KLHL34: variants seen among roughly 807,000 people sequenced by gnomAD.
KLHL34 encodes the protein kelch like family member 34, also known as kelch-like protein 34.
In KLHL34, 24 loss-of-function variants were observed where a neutral mutation model predicts 23.8. The ratio of observed to expected loss-of-function variants is 1.01; its 90% CI spans 0.73 to 1.42. The LOEUF is 1.42. KLHL34 is among the 40% of genes most tolerant of loss of function. The pLI is 0.00. For missense variants in KLHL34, 652 were observed against 595.1 expected (o/e 1.10, Z -0.99); for synonymous variants, 303 against 287.9 (o/e 1.05, Z -0.53).
In KLHL34 at chrX:21,654,978, A is replaced by T. The variant is rs1487370700; in HGVS notation, c.*876T>A. 9.0e-6 allele frequency: 1 copy of T among 110,757 alleles called. No homozygotes were observed. Among genetic ancestry groups the T allele is most frequent in the Non-Finnish European group, 1.9e-5 (1 of 52,755 alleles). The allele number at this position is 110,757 out of a possible 1,213,427, so 9.1% of individuals were successfully genotyped here. On this transcript the variant is annotated 3_prime_UTR_variant, in exon 1 of 1. Transcript: ENST00000379499. The stretch of plus-strand genomic sequence containing the variant: ...AAGTGGGGGTAACCACCAAAAATTG[A>T]TTTTTTTTTACAAATATAATCTACA...
rs771940940 is a variant in KLHL34 at position 21,656,410 on chromosome X, G to A, written c.1379C>T (p.Pro460Leu). 5.0e-6 allele frequency: 6 copies of A among 1,194,112 alleles called. No homozygotes were observed. The highest frequency in any genetic ancestry group is 1.8e-5 in the South Asian group (1 of 54,805). ...CCCCGCGTGACCGTGCAGAGCCCGC[G>A]GTAGTGCCCCAGCCGCCGTCCAGCG... ...RDRWTAAGALPRALHGHAGAV... is the reference protein window; with the variant it reads ...RDRWTAAGALLRALHGHAGAV... Residue 460 changes from proline (P) to leucine (L), a missense_variant, in exon 1 of 1, where the codon CCG (proline) becomes CTG (leucine). Transcript: ENST00000379499.
Position 21,657,929 on chromosome X carries a change from A to C in KLHL34, c.-141T>G. The C allele has an allele frequency of 1.0e-6, 1 of 955,247 alleles. No homozygotes were observed. The allele number at this position is 955,247 out of a possible 1,213,427, so 78.7% of individuals were successfully genotyped here. The stretch of plus-strand genomic sequence containing the variant: ...GGGCCCATTTCTGCCTGCTCAGTTT[A>C]AAGCCCAGGGCTCCTTCATCCAGAC... On this transcript the variant is annotated 5_prime_UTR_variant, in exon 1 of 1. The change creates a premature stop within an existing upstream ORF in the 5' untranslated region. Transcript: ENST00000379499.
At position 21,656,539 on chromosome X, in the gene KLHL34, T is replaced by C; in HGVS notation, c.1250A>G (p.His417Arg). The change falls in exon 1 of 1, where the codon CAC becomes CGC. Residue 417 changes from histidine (H) to arginine (R), a missense_variant. Transcript: ENST00000379499. ...CTCGCCCACCGCGCCGCACCAGAAG[T>C]GGGCCCGCGCTTCCCGCATGGCGGG... ...EVPAMREARA[H>R]FWCGAVGERL... 1 of 1,197,652 alleles carries C rather than the reference T, an allele frequency of 8.3e-7. No homozygotes were observed. Among genetic ancestry groups the C allele is most frequent in the Non-Finnish European group, 1.1e-6 (1 of 889,158 alleles).
chrX:21,657,818 G>A lies in KLHL34; in HGVS notation c.-30C>T, dbSNP rs948992363. 1.7e-6 allele frequency: 2 copies of A among 1,159,456 alleles called. No individual in the cohort carries two copies. Among genetic ancestry groups the A allele is most frequent in the East Asian group, 6.0e-5 (2 of 33,274 alleles). On this transcript the variant is annotated 5_prime_UTR_variant, in exon 1 of 1. Coordinates refer to ENST00000379499, the MANE Select transcript of KLHL34 (RefSeq NM_153270.3). ...CCCAGGGCTGGAAGCAGCCTGGTGG[G>A]ACCAGAGGCCTGCTGGGCAGGGCCG...
At position 21,656,184 on chromosome X, in the gene KLHL34, G is replaced by A. The variant is rs189111785; in HGVS notation, c.1605C>T (p.Tyr535=). The A allele has an allele frequency of 3.4e-6, 4 of 1,173,834 alleles. No individual in the cohort carries two copies. The East Asian group carries it at 1.2e-4, about 36-fold the overall frequency. ...AGCGCTCGATCTCAGAGAAGGGCTCGTATCGCCCCAGAAAAGCAAACACAG... is the reference window on the plus strand; with the variant it reads ...AGCGCTCGATCTCAGAGAAGGGCTCATATCGCCCCAGAAAAGCAAACACAG... The part of the protein sequence containing the change: ...RGAVFAFLGR[Y]EPFSEIERYD... Residue 535 remains tyrosine, a synonymous_variant, in exon 1 of 1, where the codon TAC becomes TAT. Transcript: ENST00000379499.
In KLHL34 at chrX:21,656,665, C is replaced by A. The variant is rs772566093; in HGVS notation, c.1124G>T (p.Ser375Ile). The change falls in exon 1 of 1, where the codon AGC (serine) becomes ATC (isoleucine). Residue 375 changes from serine to isoleucine, a missense_variant. Ser to Ile is a moderately radical substitution (Grantham distance 142). Transcript: ENST00000379499. Reference protein sequence around the residue: ...GNFLFVLGGESPSGSASSPLA... With the variant: ...GNFLFVLGGEIPSGSASSPLA... ...GGGAGAGGATGCACTGCCGGAAGGGCTCTCCCCACCCAGGACAAACAGGAA... is the reference window on the plus strand; with the variant it reads ...GGGAGAGGATGCACTGCCGGAAGGGATCTCCCCACCCAGGACAAACAGGAA... The A allele has an allele frequency of 1.7e-6, 2 of 1,210,972 alleles. No homozygotes were observed. Among genetic ancestry groups the A allele is most frequent in the Non-Finnish European group, 2.2e-6 (2 of 895,339 alleles).
Position 21,655,764 on chromosome X carries a change from C to A in KLHL34, c.*90G>T, listed in dbSNP as rs2092730929. The A allele has an allele frequency of 7.4e-6, 8 of 1,079,018 alleles. No individual in the cohort carries two copies. The East Asian group carries it at 2.7e-4, about 37-fold the overall frequency. 88.9% of individuals were successfully genotyped at this position (1,079,018 alleles called of 1,213,427 possible). A position where few individuals can be genotyped will look rare whatever the true frequency, so the allele number is the denominator to read the frequency against. ...CAGAAGCCACTCTGCTCCCAGAATC[C>A]CTTTCTTAGAAAAAGCCCATCCGTT... On this transcript the variant is annotated 3_prime_UTR_variant, in exon 1 of 1. Coordinates refer to ENST00000379499, the MANE Select transcript of KLHL34 (RefSeq NM_153270.3).
chrX:21,655,747 A>G lies in KLHL34; in HGVS notation c.*107T>C. 9.4e-7 allele frequency: 1 copy of G among 1,067,025 alleles called. No individual in the cohort carries two copies. The highest frequency in any genetic ancestry group is 1.2e-6 in the Non-Finnish European group (1 of 823,830). 87.9% of individuals were successfully genotyped at this position (1,067,025 alleles called of 1,213,427 possible). A position where few individuals can be genotyped will look rare whatever the true frequency, so the allele number is the denominator to read the frequency against. On this transcript the variant is annotated 3_prime_UTR_variant, in exon 1 of 1. Transcript: ENST00000379499. Reference sequence around the variant, plus strand: ...GTTTGCCTGTTAACCTTCAGAAGCCACTCTGCTCCCAGAATCCCTTTCTTA... The same window carrying G: ...GTTTGCCTGTTAACCTTCAGAAGCCGCTCTGCTCCCAGAATCCCTTTCTTA...
At position 21,657,824 on chromosome X, in the gene KLHL34, A is replaced by G; in HGVS notation, c.-36T>C. Reference sequence around the variant, plus strand: ...GCTGGAAGCAGCCTGGTGGGACCAGAGGCCTGCTGGGCAGGGCCGGAGGCA... The same window carrying G: ...GCTGGAAGCAGCCTGGTGGGACCAGGGGCCTGCTGGGCAGGGCCGGAGGCA... On this transcript the variant is annotated 5_prime_UTR_variant, in exon 1 of 1. Coordinates refer to ENST00000379499, the MANE Select transcript of KLHL34 (RefSeq NM_153270.3). 5 of 1,157,461 alleles carry G rather than the reference A, an allele frequency of 4.3e-6. No homozygotes were observed. Among genetic ancestry groups the G allele is most frequent in the Non-Finnish European group, 5.8e-6 (5 of 867,535 alleles).
In KLHL34 at chrX:21,656,869, C is replaced by T; in HGVS notation, c.920G>A (p.Gly307Asp). The change falls in exon 1 of 1, where the codon GGC becomes GAC. Residue 307 changes from glycine to aspartate, a missense_variant. Coordinates refer to ENST00000379499, the MANE Select transcript of KLHL34 (RefSeq NM_153270.3). ...EVAAPQRAARGQVAAPEPEEE... is the reference protein window; with the variant it reads ...EVAAPQRAARDQVAAPEPEEE... ...CTCGGGCTCTGGGGCGGCGACCTGG[C>T]CCCTAGCTGCCCTCTGCGGGGCCGC... 8.5e-7 allele frequency: 1 copy of T among 1,177,724 alleles called. No homozygotes were observed. Among genetic ancestry groups the T allele is most frequent in the Non-Finnish European group, 1.1e-6 (1 of 878,784 alleles).
At position 21,657,699 on chromosome X, in the gene KLHL34, G is replaced by C; in HGVS notation, c.90C>G (p.Asp30Glu). The C allele has an allele frequency of 1.7e-6, 2 of 1,205,700 alleles. No homozygotes were observed. The highest frequency in any genetic ancestry group is 1.8e-5 in the South Asian group (1 of 56,626). The change falls in exon 1 of 1, where the codon GAC (aspartate) becomes GAG (glutamate). Residue 30 changes from aspartate to glutamate, a missense_variant. Transcript: ENST00000379499. ...CGCTGCCCTCGGTCTCCAGTGTCACGTCGCACAGGAAGCCCTCGGCGCGCA... is the reference window on the plus strand; with the variant it reads ...CGCTGCCCTCGGTCTCCAGTGTCACCTCGCACAGGAAGCCCTCGGCGCGCA... ...QALRAEGFLCDVTLETEGSEF... is the reference protein window; with the variant it reads ...QALRAEGFLCEVTLETEGSEF...
Position 21,657,415 on chromosome X carries a change from T to A in KLHL34, c.374A>T (p.Gln125Leu), listed in dbSNP as rs1449575277. 2 of 1,187,669 alleles carry A rather than the reference T, an allele frequency of 1.7e-6. No individual in the cohort carries two copies. The highest frequency in any genetic ancestry group is 2.3e-6 in the Non-Finnish European group (2 of 883,623). ...GAAGCAGCAGTTCTCTGGAGCCAGC[T>A]GGCGCTCCAAGTAGCGCCCACAGAG... ...LGLCGRYLER[Q>L]LAPENCCFAA... is the part of the protein sequence containing the mutation. The change falls in exon 1 of 1, where the codon CAG becomes CTG. Residue 125 changes from glutamine (Q) to leucine (L), a missense_variant. Physicochemically the swap from Gln to Leu is moderately radical, Grantham distance 113. Coordinates refer to ENST00000379499, the MANE Select transcript of KLHL34 (RefSeq NM_153270.3).
chrX:21,656,475 C>G lies in KLHL34; in HGVS notation c.1314G>C (p.Glu438Asp). 1 of 1,196,703 alleles carries G rather than the reference C, an allele frequency of 8.4e-7. No homozygotes were observed. The highest frequency in any genetic ancestry group is 1.1e-6 in the Non-Finnish European group (1 of 889,483). The change falls in exon 1 of 1, where the codon GAG (glutamate) becomes GAC (aspartate). Residue 438 changes from glutamate to aspartate, a missense_variant. Physicochemically the swap from Glu to Asp is conservative, Grantham distance 45. Coordinates refer to ENST00000379499, the MANE Select transcript of KLHL34 (RefSeq NM_153270.3). ...LAVGGLGAGG[E>D]VLASVEMYDL... is the part of the protein sequence containing the mutation. ...CGTACATCTCCACCGAGGCCAGCAC[C>G]TCACCGCCCGCACCCAGGCCCCCGA... is the stretch of plus-strand genomic sequence containing the variant.
rs760953354 is a variant in KLHL34, at chrX:21,657,666, C to T, written c.123G>A (p.Pro41=). 1 of 1,206,533 alleles carries T rather than the reference C, an allele frequency of 8.3e-7. No homozygotes were observed. Among genetic ancestry groups the T allele is most frequent in the Non-Finnish European group, 1.1e-6 (1 of 894,825 alleles). Residue 41 remains proline, a synonymous_variant, in exon 1 of 1, where the codon CCG becomes CCA. Coordinates refer to ENST00000379499, the MANE Select transcript of KLHL34 (RefSeq NM_153270.3). ...VTLETEGSEF[P]AHRSLLACSS... ...AGCACGCCAGGAGCGACCTGTGCGC[C>T]GGGAATTCGCTGCCCTCGGTCTCCA...
Position 21,656,277 on chromosome X carries a change from C to T in KLHL34, c.1512G>A (p.Gln504=). The T allele has an allele frequency of 8.3e-7, 1 of 1,203,742 alleles. No individual in the cohort carries two copies. The highest frequency in any genetic ancestry group is 1.8e-5 in the South Asian group (1 of 55,302). ...RDLYVLGPEE[Q]VWSKKAPMGT... is the part of the protein sequence containing the mutation. ...CCATGGGTGCCTTCTTGCTCCAAACCTGCTCCTCAGGGCCCAGGACGTATA... is the reference window on the plus strand; with the variant it reads ...CCATGGGTGCCTTCTTGCTCCAAACTTGCTCCTCAGGGCCCAGGACGTATA... Residue 504 remains glutamine, a synonymous_variant, in exon 1 of 1, where the codon CAG becomes CAA. Transcript: ENST00000379499.
rs768059361 is a variant in KLHL34, at chrX:21,657,342, CGCGTCCA to C, written c.440_446del (p.Leu147ArgfsTer7). 5 of 1,159,729 alleles carry C rather than the reference CGCGTCCA, an allele frequency of 4.3e-6. No individual in the cohort carries two copies. The highest frequency in any genetic ancestry group is 5.7e-6 in the Non-Finnish European group (5 of 870,428). ...AGTGGCTCACGATGCAGCGCTCGGCCGCGTCCAGCGTGTGAGCCAGGCCAAAGCGCGC... is the reference window on the plus strand; with the variant it reads ...AGTGGCTCACGATGCAGCGCTCGGCCGCGTGTGAGCCAGGCCAAAGCGCGC... On this transcript the variant is annotated frameshift_variant, in exon 1 of 1. Transcript: ENST00000379499. LOFTEE classifies it high-confidence loss of function.
rs2147354677 is a variant in KLHL34, at chrX:21,657,722, G to A, written c.67C>T (p.Arg23Cys). 1.7e-6 allele frequency: 2 copies of A among 1,203,530 alleles called. No homozygotes were observed. Among genetic ancestry groups the A allele is most frequent in the South Asian group, 1.8e-5 (1 of 56,350 alleles). ...ACGTCGCACAGGAAGCCCTCGGCGC[G>A]CAGGGCCTGGTAGCCGGTGAGCAGC... ...GALLTGYQALRAEGFLCDVTL... is the reference protein window; with the variant it reads ...GALLTGYQALCAEGFLCDVTL... The change falls in exon 1 of 1, where the codon CGC becomes TGC. Residue 23 changes from arginine (R) to cysteine (C), a missense_variant. Physicochemically the swap from Arg to Cys is radical, Grantham distance 180. Transcript: ENST00000379499.
chrX:21,656,180 G>A lies in KLHL34; in HGVS notation c.1609C>T (p.Pro537Ser). The A allele has an allele frequency of 1.7e-6, 2 of 1,174,674 alleles. No individual in the cohort carries two copies. Among genetic ancestry groups the A allele is most frequent in the Non-Finnish European group, 2.3e-6 (2 of 876,430 alleles). ...TCGTAGCGCTCGATCTCAGAGAAGG[G>A]CTCGTATCGCCCCAGAAAAGCAAAC... ...AVFAFLGRYE[P>S]FSEIERYDPG... The change falls in exon 1 of 1, where the codon CCC (proline) becomes TCC (serine). Residue 537 changes from proline to serine, a missense_variant. Transcript: ENST00000379499.
At position 21,656,961 on chromosome X, in the gene KLHL34, C is replaced by A. The variant is rs2092734102; in HGVS notation, c.828G>T (p.Arg276=). ...PLMQGEQTSI[R]SPQTRILLVG... Reference sequence around the variant, plus strand: ...CCAACAAGATGCGGGTCTGGGGGCTCCGGATGCTGGTCTGCTCGCCCTGCA... The same window carrying A: ...CCAACAAGATGCGGGTCTGGGGGCTACGGATGCTGGTCTGCTCGCCCTGCA... Residue 276 remains arginine (R), a synonymous_variant, in exon 1 of 1, where the codon CGG becomes CGT. Transcript: ENST00000379499. 3.5e-6 allele frequency: 4 copies of A among 1,157,228 alleles called. No homozygotes were observed. The African/African-American group carries it at 7.2e-5, about 21-fold the overall frequency.
Sources: gnomAD v4.1 joint callset for allele counts on GRCh38, gnomAD v4.1.1 for gene constraint, MANE v1.5 for transcripts, NCBI Gene and HGNC (gene_info 2026-07-23, HGNC 2026-07-21) for gene names.